STAB1: variants seen among roughly 807,000 people sequenced by gnomAD.
STAB1 encodes stabilin-1.
In STAB1, 250 loss-of-function variants were observed where a neutral mutation model predicts 332.4. The observed-to-expected ratio is 0.75, with a 90% CI of 0.68 to 0.84. The LOEUF is 0.84. Ranked by LOEUF, STAB1 falls within the 40% of genes least tolerant of loss-of-function variation. STAB1 has a pLI of 0.00. For synonymous variants in STAB1, 1,475 were observed against 1,390.4 expected (o/e 1.06, Z -1.35); for missense variants, 3,249 against 3,489.7 (o/e 0.93, Z 1.74).
In STAB1 at chr3:52,516,530, C is replaced by T. The variant is rs373350197; in HGVS notation, c.4241-12C>T. On this transcript the variant is annotated splice_polypyrimidine_tract_variant and intron_variant, in intron 39 of 68. Coordinates refer to ENST00000321725, the MANE Select transcript of STAB1 (RefSeq NM_015136.3). ...GGGTCTGAATGACCAGAGTCATCCT[C>T]CTGCCCCCCAGAAATCACCAGCCCT... is the stretch of plus-strand genomic sequence containing the variant. The T allele has an allele frequency of 6.2e-6, 10 of 1,613,392 alleles. No homozygotes were observed. The highest frequency in any genetic ancestry group is 1.3e-5 in the African/African-American group (1 of 75,028).
Position 52,504,160 on chromosome 3 carries a change from G to A in STAB1, c.1150+5G>A, listed in dbSNP as rs773892288. On this transcript the variant is annotated splice_donor_5th_base_variant and intron_variant, in intron 10 of 68. Coordinates refer to ENST00000321725, the MANE Select transcript of STAB1 (RefSeq NM_015136.3). ...GGGTCGCCGTGGCCATGATGGGTGC[G>A]TGACCCCACTGCTTGCCCACGACCC... is the stretch of plus-strand genomic sequence containing the variant. 1.1e-5 allele frequency: 18 copies of A among 1,585,110 alleles called. No individual in the cohort carries two copies. Among genetic ancestry groups the A allele is most frequent in the Non-Finnish European group, 1.4e-5 (16 of 1,169,086 alleles).
chr3:52,520,858 C>A lies in STAB1; in HGVS notation c.5761C>A (p.Leu1921Met). The change falls in exon 55 of 69, where the codon CTG becomes ATG. Residue 1921 changes from leucine to methionine, a missense_variant. By Grantham distance (15) the Leu-to-Met change is conservative. Transcript: ENST00000321725. ...CCCGAAGTTCTGGACGTCCCCTCCGCTGCACTCTTTGGGATTACGCAGCGT... is the reference window on the plus strand; with the variant it reads ...CCCGAAGTTCTGGACGTCCCCTCCGATGCACTCTTTGGGATTACGCAGCGT... Reference protein sequence around the residue: ...FYPKFWTSPPLHSLGLRSVWV... With the variant: ...FYPKFWTSPPMHSLGLRSVWV... 6.2e-7 allele frequency: 1 copy of A among 1,612,862 alleles called. No individual in the cohort carries two copies. Among genetic ancestry groups the A allele is most frequent in the Non-Finnish European group, 8.5e-7 (1 of 1,180,020 alleles).
At position 52,524,054 on chromosome 3, in the gene STAB1, G is replaced by A. The variant is rs779769192; in HGVS notation, c.7542+37G>A. ...TTGGGGCTGCCATGGCGGGTCCTTG[G>A]ATCTCGCTTGAGGCGCCTCGCCACT... On this transcript the variant is annotated intron_variant, in intron 67 of 68. Transcript: ENST00000321725. 6.8e-6 allele frequency: 11 copies of A among 1,612,360 alleles called. No homozygotes were observed. The East Asian group carries it at 2.2e-4, about 33-fold the overall frequency.
In STAB1 at chr3:52,519,310, A is replaced by T; in HGVS notation, c.5081A>T (p.His1694Leu). The T allele has an allele frequency of 6.2e-7, 1 of 1,613,070 alleles. No homozygotes were observed. The part of the protein sequence containing the change: ...NDFARVVSSD[H>L]EAVNGILHFI... ...TTCGCGCGCGTGGTGAGCAGCGACC[A>T]TGAGGCCGTGAACGGCATCCTGCAC... The change falls in exon 49 of 69, where the codon CAT becomes CTT. Residue 1694 changes from histidine to leucine, a missense_variant. His to Leu is a moderately conservative substitution (Grantham distance 99). Transcript: ENST00000321725.
rs778790308 is a variant in STAB1 at position 52,507,662 on chromosome 3, A to G, written c.2039A>G (p.Asn680Ser). ...QALNTSTCPPNSVKLDIFPKE... is the reference protein window; with the variant it reads ...QALNTSTCPPSSVKLDIFPKE... ...CTGAACACCAGCACGTGTCCCCCCA[A>G]CAGTGTGAAGCTGGTGAGCACACCT... Residue 680 changes from asparagine to serine, a missense_variant, in exon 19 of 69, where the codon AAC (asparagine) becomes AGC (serine). By Grantham distance (46) the Asn-to-Ser change is conservative. Transcript: ENST00000321725. 3.7e-6 allele frequency: 6 copies of G among 1,613,518 alleles called. No individual in the cohort carries two copies. In the African/African-American group the frequency reaches 5.3e-5, roughly 14 times the overall value.
Position 52,520,979 on chromosome 3 carries a change from C to G in STAB1, c.5882C>G (p.Pro1961Arg). The change falls in exon 55 of 69, where the codon CCT becomes CGT. Residue 1961 changes from proline (P) to arginine (R), a missense_variant. Coordinates refer to ENST00000321725, the MANE Select transcript of STAB1 (RefSeq NM_015136.3). The stretch of plus-strand genomic sequence containing the variant: ...ACCACCTGGAAGCCCAGCTGCTGCC[C>G]TGGTCACTATGGCAGTGAGTGCCAA... Reference protein sequence around the residue: ...VTTTWKPSCCPGHYGSECQAC... With the variant: ...VTTTWKPSCCRGHYGSECQAC... 1 of 1,565,004 alleles carries G rather than the reference C, an allele frequency of 6.4e-7. No individual in the cohort carries two copies. The highest frequency in any genetic ancestry group is 8.6e-7 in the Non-Finnish European group (1 of 1,156,426).
Position 52,505,737 on chromosome 3 carries a change from G to A in STAB1, c.1651G>A (p.Val551Met), listed in dbSNP as rs1559680954. The A allele has an allele frequency of 1.2e-6, 2 of 1,613,928 alleles. No individual in the cohort carries two copies. Among genetic ancestry groups the A allele is most frequent in the Non-Finnish European group, 1.7e-6 (2 of 1,180,042 alleles). Residue 551 changes from valine (V) to methionine (M), a missense_variant, in exon 15 of 69, where the codon GTG becomes ATG. Transcript: ENST00000321725. Reference protein sequence around the residue: ...FTVFAPSNEAVDSLRDGRLIY... With the variant: ...FTVFAPSNEAMDSLRDGRLIY... ...AGTCTTTGCCCCAAGCAATGAGGCT[G>A]TGGACAGCTTGCGTGACGGCCGCCT...
In STAB1 at chr3:52,509,239, C is replaced by T. The variant is rs749921804; in HGVS notation, c.2265C>T (p.Ala755=). The T allele has an allele frequency of 1.2e-6, 2 of 1,613,640 alleles. No individual in the cohort carries two copies. The highest frequency in any genetic ancestry group is 1.7e-6 in the Non-Finnish European group (2 of 1,179,994). Residue 755 remains alanine, a synonymous_variant, in exon 22 of 69, where the codon GCC becomes GCT. Coordinates refer to ENST00000321725, the MANE Select transcript of STAB1 (RefSeq NM_015136.3). ...NCSDGIQGNG[A]CLCFPDYKGI... is the part of the protein sequence containing the mutation. Reference sequence around the variant, plus strand: ...GTGATGGGATCCAGGGCAATGGGGCCTGCCTCTGCTTCCCAGACTACAAGG... The same window carrying T: ...GTGATGGGATCCAGGGCAATGGGGCTTGCCTCTGCTTCCCAGACTACAAGG...
Position 52,516,191 on chromosome 3 carries a change from C to A in STAB1, c.4097C>A (p.Ala1366Asp), listed in dbSNP as rs778649024. 6.2e-7 allele frequency: 1 copy of A among 1,612,466 alleles called. No individual in the cohort carries two copies. The highest frequency in any genetic ancestry group is 8.5e-7 in the Non-Finnish European group (1 of 1,179,850). ...TGCCACGAGGGCTTCCATGGAACGG[C>A]CTGTGAGGTGTGTGAGCTGGGCCGC... ...CHCHEGFHGT[A>D]CEVCELGRYG... Residue 1366 changes from alanine (A) to aspartate (D), a missense_variant, in exon 38 of 69, where the codon GCC becomes GAC. Coordinates refer to ENST00000321725, the MANE Select transcript of STAB1 (RefSeq NM_015136.3).
intron 12 of STAB1, 26 bp downstream of exon 12, chr3:52,504,902 A>T: frequency 2.5e-6 from 4 of 1,613,488 alleles, no homozygotes; most frequent in Non-Finnish European, 3.4e-6. Flanking sequence ...CAGCCTGGGG[A>T]CAAGAGGAGT....
chr3:52,520,643 A>G lies in STAB1; in HGVS notation c.5651A>G (p.Asn1884Ser). 1 of 1,607,546 alleles carries G rather than the reference A, an allele frequency of 6.2e-7. No individual in the cohort carries two copies. The change falls in exon 54 of 69, where the codon AAC (asparagine) becomes AGC (serine). Residue 1884 changes from asparagine (N) to serine (S), a missense_variant and splice_region_variant. Coordinates refer to ENST00000321725, the MANE Select transcript of STAB1 (RefSeq NM_015136.3). The part of the protein sequence containing the change: ...DHFETRPLRL[N>S]TCSICGLEPP... ...TGTATTGGCCTCCCTCCCTTCCAGA[A>G]CACCTGCAGCATCTGTGGGCTGGAG...
Position 52,510,243 on chromosome 3 carries a change from C to A in STAB1, c.2628+8C>A. The A allele has an allele frequency of 6.2e-7, 1 of 1,614,000 alleles. No homozygotes were observed. The highest frequency in any genetic ancestry group is 8.5e-7 in the Non-Finnish European group (1 of 1,180,008). On this transcript the variant is annotated splice_region_variant and intron_variant, in intron 24 of 68. Transcript: ENST00000321725. Reference sequence around the variant, plus strand: ...GGAGGCTGCTCAGAGAATGTCAGTCCCCTTGCTCCTTCCCTGAAGTTCTGA... The same window carrying A: ...GGAGGCTGCTCAGAGAATGTCAGTCACCTTGCTCCTTCCCTGAAGTTCTGA...
Position 52,522,223 on chromosome 3 carries a change from C to G in STAB1, c.6458C>G (p.Thr2153Ser). 1 of 1,612,550 alleles carries G rather than the reference C, an allele frequency of 6.2e-7. No homozygotes were observed. The highest frequency in any genetic ancestry group is 2.2e-5 in the East Asian group (1 of 44,880). ...AGCGAGCACGCCAACTGCTTGAGCA[C>G]CGGCCTGGTGAGCAGGTGGGGGAAC... ...GCSEHANCLS[T>S]GLNTRRCECH... Residue 2153 changes from threonine to serine, a missense_variant, in exon 59 of 69, where the codon ACC becomes AGC. Physicochemically the swap from Thr to Ser is moderately conservative, Grantham distance 58. Transcript: ENST00000321725.
chr3:52,523,159 C>A (rs1005495934), intron 63 of STAB1, 25 bp downstream of exon 63: 1 of 1,608,874 alleles, frequency 6.2e-7, no homozygotes, highest in African/African-American at 1.3e-5. Context: ...CCCTTGGGGG[C>A]GGGGGGTGCT....
chr3:52,514,570 C>G, intron 34 of STAB1, 74 bp downstream of exon 34: 1 of 1,546,040 alleles, frequency 6.5e-7, no homozygotes, highest in Non-Finnish European at 8.7e-7. Context: ...TTGGAGTTTC[C>G]CTAGCTGTGA....
At chr3:52,517,829 ATAGAG>A in intron 44 of STAB1, 47 bp from the exon 45 acceptor site, 1 of 1,611,058 alleles carries the variant, frequency 6.2e-7, no homozygotes, top group South Asian at 1.1e-5. Context: ...GCTGAGTGGG[ATAGAG>A]AAGTAGTGAA....
chr3:52,516,421 G>A lies in STAB1; in HGVS notation c.4210G>A (p.Val1404Met), dbSNP rs201671103. The A allele has an allele frequency of 3.2e-4, 517 of 1,612,036 alleles. 2 individuals are homozygous for A. The South Asian group carries it at 3.8e-3, about 12-fold the overall frequency. The change falls in exon 39 of 69, where the codon GTG becomes ATG. Residue 1404 changes from valine to methionine, a missense_variant. Transcript: ENST00000321725. Reference sequence around the variant, plus strand: ...AGGGGACGGAAGCTGTGTCTGTAACGTGGGCTGGCAGGGCCTCCGCTGTGA... The same window carrying A: ...AGGGGACGGAAGCTGTGTCTGTAACATGGGCTGGCAGGGCCTCCGCTGTGA... ...LQGDGSCVCNVGWQGLRCDQK... is the reference protein window; with the variant it reads ...LQGDGSCVCNMGWQGLRCDQK...
In STAB1 at chr3:52,522,656, G is replaced by A; in HGVS notation, c.6712G>A (p.Ala2238Thr). The A allele has an allele frequency of 6.2e-7, 1 of 1,612,896 alleles. No homozygotes were observed. Among genetic ancestry groups the A allele is most frequent in the Non-Finnish European group, 8.5e-7 (1 of 1,179,996 alleles). ...ATGCGAAGCACAGGGAGCCGTCCTT[G>A]CTTCATTCCCTCAGCTCTCTGCTGC... The part of the protein sequence containing the change: ...AACEAQGAVL[A>T]SFPQLSAAQQ... Residue 2238 changes from alanine to threonine, a missense_variant, in exon 61 of 69, where the codon GCT becomes ACT. Coordinates refer to ENST00000321725, the MANE Select transcript of STAB1 (RefSeq NM_015136.3).
Position 52,517,089 on chromosome 3 carries a change from G to T in STAB1, c.4469G>T (p.Gly1490Val). 6.4e-7 allele frequency: 1 copy of T among 1,568,570 alleles called. No homozygotes were observed. ...RTCTCQDGYM[G>V]DGELCQEINS... ...TGCACCTGCCAGGATGGCTACATGG[G>T]CGACGGGGAGCTGTGCCAGGGTGAG... is the stretch of plus-strand genomic sequence containing the variant. Residue 1490 changes from glycine (G) to valine (V), a missense_variant, in exon 42 of 69, where the codon GGC (glycine) becomes GTC (valine). Physicochemically the swap from Gly to Val is moderately radical, Grantham distance 109 (BLOSUM62 -3). Transcript: ENST00000321725.
Sources: allele counts gnomAD v4.1 joint callset, GRCh38; gene constraint gnomAD v4.1.1; transcripts MANE v1.5; gene names NCBI Gene and HGNC (gene_info 2026-07-23, HGNC 2026-07-21).